Variants in KCNK9 observed in about 807,000 individuals in gnomAD.
The protein encoded by KCNK9 is potassium two pore domain channel subfamily K member 9.
In KCNK9, 1 loss-of-function variant was observed where a neutral mutation model predicts 10.8. The observed-to-expected ratio is 0.09, with a 90% CI of 0.03 to 0.44. The LOEUF is 0.44. Among genes scored for constraint, KCNK9 ranks in the 20% least tolerant of loss-of-function variants. KCNK9 has a pLI of 0.97. For synonymous variants in KCNK9, 231 were observed against 222.7 expected, an observed-to-expected ratio of 1.04 and a Z score of -0.33; for missense variants, 303 against 515.0, an observed-to-expected ratio of 0.59 and a Z score of 3.98.
intron 1 of KCNK9, among the ~76,000 whole-genome samples, chr8:139,655,080 G>C (rs1815983091): frequency 6.6e-6 from 1 of 152,122 alleles, no homozygotes; most frequent in Non-Finnish European, 1.5e-5. Flanking sequence ...CTGGTGTCGA[G>C]ATCCAAATGG....
chr8:139,607,325 C>T (rs1037628051), intron 2 of KCNK9, among the ~76,000 whole-genome samples: 7 of 152,192 alleles, frequency 4.6e-5, no homozygotes, highest in Non-Finnish European at 8.8e-5. Flanking sequence ...AGGACTTGAT[C>T]GTCTAGCTCA....
chr8:139,664,314 T>G (rs563230984), intron 1 of KCNK9, among the ~76,000 whole-genome samples: 60 of 152,244 alleles, frequency 3.9e-4, no homozygotes, highest in African/African-American at 1.3e-3. Context: ...CTGGTTCCAC[T>G]CTTCAGCATG....
chr8:139,656,939 C>T (rs1263102448), intron 1 of KCNK9, among the ~76,000 whole-genome samples: 1 of 152,214 alleles, frequency 6.6e-6, no homozygotes, highest in African/African-American at 2.4e-5. Flanking sequence ...GCAGGCTCAG[C>T]CCTCCCCAGT....
intron 1 of KCNK9, among the ~76,000 whole-genome samples, chr8:139,692,807 A>G (rs1489288788): frequency 2.6e-5 from 4 of 152,080 alleles, no homozygotes; most frequent in Non-Finnish European, 5.9e-5. Context: ...ATGCCCTGGC[A>G]CCCATGAGTG....
chr8:139,667,190 A>G (rs1376680783), intron 1 of KCNK9, among the ~76,000 whole-genome samples: 3 of 152,048 alleles, frequency 2.0e-5, no homozygotes, highest in Admixed American at 1.3e-4. Flanking sequence ...TGATTCCCCC[A>G]CCTATCAGAC....
At chr8:139,685,112 A>C (rs1816762569) in intron 1 of KCNK9, among the ~76,000 whole-genome samples, 1 of 152,034 alleles carries the variant, frequency 6.6e-6, no homozygotes, top group African/African-American at 2.4e-5. Flanking sequence ...TACACAAAAA[A>C]AGAAATAAAT....
intron 1 of KCNK9, among the ~76,000 whole-genome samples, chr8:139,695,375 G>A (rs1213984901): frequency 1.3e-5 from 2 of 152,190 alleles, no homozygotes; most frequent in East Asian, 3.9e-4. Context: ...AGAGGAACTG[G>A]CTACAAAGGG....
At chr8:139,640,456 C>T (rs1360757004) in intron 1 of KCNK9, among the ~76,000 whole-genome samples, 2 of 152,252 alleles carry the variant, frequency 1.3e-5, no homozygotes, top group African/African-American at 4.8e-5. Context: ...TTCAAGAGAA[C>T]AGCCCTGGGG....
At chr8:139,616,057 T>C (rs1326408064), downstream of KCNK9, 1 of 152,164 alleles carries the variant, frequency 6.6e-6, no homozygotes, top group Non-Finnish European at 1.5e-5. Context: ...CTGTCTCAGT[T>C]CTGTCAACAG....
downstream of KCNK9, chr8:139,616,476 T>G (rs1814594591): frequency 6.6e-6 from 1 of 152,170 alleles, no homozygotes; most frequent in African/African-American, 2.4e-5. Context: ...AAGGGGAAAT[T>G]TCAACATGGG....
chr8:139,668,379 T>A (rs1252140411), intron 1 of KCNK9, among the ~76,000 whole-genome samples: 3 of 151,864 alleles, frequency 2.0e-5, no homozygotes, highest in African/African-American at 7.3e-5. Context: ...TTAGACACAA[T>A]GGTACTGCAC....
At chr8:139,601,793 C>A (rs188248042) in intron 2 of KCNK9, among the ~76,000 whole-genome samples, 103 of 152,296 alleles carry the variant, frequency 6.8e-4, no homozygotes, top group Non-Finnish European at 1.3e-3. Flanking sequence ...TCTATAGAGA[C>A]CCCTCTTACT....
At chr8:139,687,359 C>CATATATATGA (rs1563751619) in intron 1 of KCNK9, among the ~76,000 whole-genome samples, 8 of 144,114 alleles carry the variant, frequency 5.6e-5, no homozygotes, top group African/African-American at 2.0e-4. Context: ...TATATGTATA[C>CATATATATGA]ATATATATGT....
At chr8:139,689,428 G>T (rs1473498040) in intron 1 of KCNK9, among the ~76,000 whole-genome samples, 3 of 152,154 alleles carry the variant, frequency 2.0e-5, no homozygotes, top group Admixed American at 2.0e-4. Context: ...TGGCAGGAGG[G>T]ACTTGGCAAG....
intron 1 of KCNK9, among the ~76,000 whole-genome samples, chr8:139,676,582 T>C (rs567101787): frequency 6.6e-6 from 1 of 152,330 alleles, no homozygotes; most frequent in East Asian, 1.9e-4. Flanking sequence ...TATGTGTAAG[T>C]CACATGCCAG....
rs1416191916 is a variant in KCNK9 at position 139,617,361 on chromosome 8, G to C, written c.*897C>G. The stretch of plus-strand genomic sequence containing the variant: ...GTTGCATGGTAAATTGTTGGAACTG[G>C]AGGTGACAAAATTAAAAATGTCTTT... On this transcript the variant is annotated 3_prime_UTR_variant, in exon 2 of 2. Coordinates refer to ENST00000520439, the MANE Select transcript of KCNK9 (RefSeq NM_001282534.2). Among the ~76,000 whole-genome samples the C allele has an allele frequency of 6.6e-6, 1 of 152,130 alleles. No individual in the cohort carries two copies. The highest frequency in any genetic ancestry group is 1.5e-5 in the Non-Finnish European group (1 of 68,032).
In KCNK9 at chr8:139,640,968, G is replaced by T. The variant is rs186939664; in HGVS notation, c.284-21869C>A. The stretch of plus-strand genomic sequence containing the variant: ...GAAGCATATTTATCGCTGAATCACA[G>T]GTTTTTAAGAATTATTTTCATATGT... On this transcript the variant is annotated intron_variant, in intron 1 of 1. Coordinates refer to ENST00000520439, the MANE Select transcript of KCNK9 (RefSeq NM_001282534.2). Among the ~76,000 whole-genome samples the T allele has an allele frequency of 6.0e-3, 908 of 152,322 alleles. 3 individuals carry two copies. Among genetic ancestry groups the T allele is most frequent in the South Asian group, 0.013 (63 of 4,826 alleles).
intron 1 of KCNK9, among the ~76,000 whole-genome samples, chr8:139,657,350 A>G (rs954978836): frequency 3.3e-5 from 5 of 152,218 alleles, no homozygotes; most frequent in African/African-American, 7.2e-5. Context: ...AACATTAGTC[A>G]CAGAGGTGAT....
At chr8:139,701,078 GCT>G (rs1159375944) in intron 1 of KCNK9, among the ~76,000 whole-genome samples, 5 of 152,140 alleles carry the variant, frequency 3.3e-5, no homozygotes, top group African/African-American at 1.2e-4. Context: ...TTACTCTCCA[GCT>G]CTCCAGCAAA....
Sources: allele counts gnomAD v4.1 joint callset (sites outside exome capture counted in the v4.1 genomes callset), GRCh38; gene constraint gnomAD v4.1.1; transcripts MANE v1.5; gene names NCBI Gene and HGNC (gene_info 2026-07-23, HGNC 2026-07-21).